Variants in DSCAM observed in about 807,000 individuals in gnomAD.
DSCAM encodes the protein cell adhesion molecule DSCAM.
In DSCAM, 47 loss-of-function variants were observed where a neutral mutation model predicts 217.7. The observed-to-expected ratio is 0.22, with a 90% CI of 0.17 to 0.28. DSCAM has a LOEUF of 0.28. Among genes scored for constraint, DSCAM ranks in the 10% least tolerant of loss-of-function variants. The pLI is 1.00. For synonymous variants in DSCAM, 1,056 were observed against 1,015.3 expected, an observed-to-expected ratio of 1.04 and a Z score of -0.76; for missense variants, 2,080 against 2,618.3, an observed-to-expected ratio of 0.79 and a Z score of 4.49.
intron 3 of DSCAM, chr21:40,629,624 G>A (rs2089660381): frequency 1.3e-5 from 2 of 152,192 alleles, no homozygotes. Context: ...CCATGAGTAA[G>A]GACCATGAAA....
chr21:40,620,343 A>AGAG, intron 3 of DSCAM, among the ~76,000 whole-genome samples: 1 of 134,998 alleles, frequency 7.4e-6, no homozygotes, highest in African/African-American at 2.9e-5. Flanking sequence ...AAAAGAAAGA[A>AGAG]AGAGAAAGAG....
At chr21:40,801,003 G>A (rs2091735793) in intron 1 of DSCAM, among the ~76,000 whole-genome samples, 1 of 150,140 alleles carries the variant, frequency 6.7e-6, no homozygotes, top group East Asian at 1.9e-4. Context: ...CCAGGCTGGA[G>A]TGCAGTGGCT....
chr21:40,596,402 G>A (rs758091976), intron 3 of DSCAM, among the ~76,000 whole-genome samples: 2 of 152,130 alleles, frequency 1.3e-5, no homozygotes, highest in South Asian at 2.1e-4. Flanking sequence ...GTTGATGAGC[G>A]TAAGGTGACT....
intron 3 of DSCAM, among the ~76,000 whole-genome samples, chr21:40,398,596 C>G (rs537239302): frequency 1.3e-5 from 2 of 152,036 alleles, no homozygotes; most frequent in East Asian, 3.9e-4. Context: ...ACTGAAATCT[C>G]CACTGTGAAA....
chr21:40,346,119 C>T (rs2074555023), intron 6 of DSCAM, among the ~76,000 whole-genome samples: 2 of 152,206 alleles, frequency 1.3e-5, no homozygotes, highest in East Asian at 1.9e-4. Context: ...CAGGTAATTT[C>T]TCCTTTTTCT....
At chr21:40,615,075 G>A (rs960455161) in intron 3 of DSCAM, among the ~76,000 whole-genome samples, 3 of 151,522 alleles carry the variant, frequency 2.0e-5, no homozygotes, top group Non-Finnish European at 2.9e-5. Context: ...AGGCCGAGGC[G>A]GGCAGATCAC....
chr21:40,337,088 T>C (rs1357582502), intron 8 of DSCAM, among the ~76,000 whole-genome samples: 6 of 152,336 alleles, frequency 3.9e-5, no homozygotes, highest in Admixed American at 3.9e-4. Flanking sequence ...AATAATAGTA[T>C]ACACATATTA....
chr21:40,244,462 A>G (rs2073195500), intron 11 of DSCAM, among the ~76,000 whole-genome samples: 1 of 152,032 alleles, frequency 6.6e-6, no homozygotes. Context: ...GGAAAAAAAA[A>G]AAAAAAAAAA....
At chr21:40,452,366 C>T (rs150420293) in intron 3 of DSCAM, among the ~76,000 whole-genome samples, 12 of 151,912 alleles carry the variant, frequency 7.9e-5, no homozygotes, top group African/African-American at 2.7e-4. Flanking sequence ...TGAACAATTA[C>T]ACCTTTTACA....
At chr21:40,714,641 T>C (rs1457629221) in intron 1 of DSCAM, among the ~76,000 whole-genome samples, 2 of 152,210 alleles carry the variant, frequency 1.3e-5, no homozygotes, top group African/African-American at 4.8e-5. Context: ...CTTTGATTCA[T>C]AGCTCATGGC....
chr21:40,326,874 T>C (rs566090339), intron 8 of DSCAM, among the ~76,000 whole-genome samples: 102 of 151,320 alleles, frequency 6.7e-4, no homozygotes, highest in Non-Finnish European at 1.1e-3. Flanking sequence ...TGCATCTATA[T>C]ATCTGTAACC....
At chr21:40,606,397 C>A (rs574233424) in intron 3 of DSCAM, among the ~76,000 whole-genome samples, 6 of 152,304 alleles carry the variant, frequency 3.9e-5, no homozygotes, top group Admixed American at 1.3e-4. Flanking sequence ...AGCTGGAAAT[C>A]CAGATTTTAT....
intron 3 of DSCAM, among the ~76,000 whole-genome samples, chr21:40,496,312 G>C (rs376971029): frequency 1.3e-5 from 2 of 152,178 alleles, no homozygotes; most frequent in South Asian, 2.1e-4. Flanking sequence ...TACTGGCATA[G>C]AAACAGACAC....
intron 14 of DSCAM, 76 bp from the exon 15 acceptor site, chr21:40,179,170 TAGG>T: frequency 1.6e-6 from 1 of 639,130 alleles, no homozygotes; most frequent in Non-Finnish European, 2.0e-6. Context: ...AGTTCACAAG[TAGG>T]AATTAAAAAC....
At chr21:40,137,178 G>GAAAA (rs34652896) in intron 18 of DSCAM, among the ~76,000 whole-genome samples, 4 of 64,490 alleles carry the variant, frequency 6.2e-5, no homozygotes, top group South Asian at 6.6e-4. Flanking sequence ...CTGTCTCAAG[G>GAAAA]AAAAAAAAAA....
rs368411634 is a variant in DSCAM, at chr21:40,106,198, T to C, written c.3697-12324A>G. On this transcript the variant is annotated intron_variant, in intron 20 of 32. Transcript: ENST00000400454. ...AAACCATCAGAACTCATGAGACTTATTCACTATCATGAGAACAGCACAGGA... is the reference window on the plus strand; with the variant it reads ...AAACCATCAGAACTCATGAGACTTACTCACTATCATGAGAACAGCACAGGA... Among the ~76,000 whole-genome samples, 19 of 152,168 alleles carry C rather than the reference T, an allele frequency of 1.2e-4. 1 individual carries two copies. The highest frequency in any genetic ancestry group is 7.9e-4 in the Admixed American group (12 of 15,278).
intron 3 of DSCAM, among the ~76,000 whole-genome samples, chr21:40,427,789 T>C (rs890211630): frequency 6.6e-6 from 1 of 152,246 alleles, no homozygotes; most frequent in Non-Finnish European, 1.5e-5. Context: ...GCCTGCCGCA[T>C]GTGGCCTGGT....
In DSCAM at chr21:40,697,114, C is replaced by T. The variant is rs573731198; in HGVS notation, c.362-4158G>A. 3.3e-5 allele frequency among the ~76,000 whole-genome samples: 5 copies of T among 152,298 alleles called. 1 individual carries two copies. The highest frequency in any genetic ancestry group is 9.6e-5 in the African/African-American group (4 of 41,568). On this transcript the variant is annotated intron_variant, in intron 2 of 32. Coordinates refer to ENST00000400454, the MANE Select transcript of DSCAM (RefSeq NM_001389.5). Reference sequence around the variant, plus strand: ...TATCCACCATTCCACTCTCCACCTCCATAAGATCCACTTTTCCAGATCCCA... The same window carrying T: ...TATCCACCATTCCACTCTCCACCTCTATAAGATCCACTTTTCCAGATCCCA...
chr21:40,278,333 A>C (rs1351072028), intron 10 of DSCAM, among the ~76,000 whole-genome samples: 1 of 152,210 alleles, frequency 6.6e-6, no homozygotes, highest in Non-Finnish European at 1.5e-5. Context: ...TAAATATTTT[A>C]AATTTAGCAG....
Sources: allele counts gnomAD v4.1 joint callset (sites outside exome capture counted in the v4.1 genomes callset), GRCh38; gene constraint gnomAD v4.1.1; transcripts MANE v1.5; gene names NCBI Gene and HGNC (gene_info 2026-07-23, HGNC 2026-07-21).